The following MAOB variants were observed in gnomAD, a reference collection of about 807,000 sequenced individuals.
The protein encoded by MAOB is monoamine oxidase B.
A neutral mutation model predicts 41.9 loss-of-function variants in MAOB; 15 were observed. The ratio of observed to expected loss-of-function variants is 0.36; its 90% CI spans 0.24 to 0.55. MAOB has a LOEUF of 0.55. Ranked by LOEUF, MAOB falls within the 20% of genes least tolerant of loss-of-function variation. The probability of loss-of-function intolerance (pLI) is 0.86; values close to 1 mark genes in which losing one functional copy is unlikely to be tolerated. For synonymous variants in MAOB, 167 were observed against 144.2 expected (o/e 1.16, Z -1.13); for missense variants, 345 against 398.7 (o/e 0.87, Z 1.15).
At chrX:43,837,961 C>CG in intron 3 of MAOB, 1 of 331,111 alleles carries the variant, frequency 3.0e-6, no homozygotes, top group East Asian at 9.7e-5. Context: ...TGAAGAGAGT[C>CG]TGAGGACCAG....
intron 3 of MAOB, among the ~76,000 whole-genome samples, chrX:43,832,436 T>A (rs759927467): frequency 1.8e-5 from 2 of 111,418 alleles, no homozygotes; most frequent in Admixed American, 9.6e-5. Context: ...CCAAATGGAT[T>A]TTTTTCTGCC....
chrX:43,803,421 A>G lies in MAOB; in HGVS notation c.280-17T>C, dbSNP rs753919396. On this transcript the variant is annotated splice_polypyrimidine_tract_variant and intron_variant, in intron 3 of 14. Transcript: ENST00000378069. The stretch of plus-strand genomic sequence containing the variant: ...TGATTTGCCCTGTGAGATACAAGAT[A>G]TTTTTAAAAGGAAATATTTACTACA... 1 of 1,165,016 alleles carries G rather than the reference A, an allele frequency of 8.6e-7. No homozygotes were observed. Among genetic ancestry groups the G allele is most frequent in the Non-Finnish European group, 1.1e-6 (1 of 880,292 alleles).
At chrX:43,823,161 T>C (rs942115806) in intron 3 of MAOB, among the ~76,000 whole-genome samples, 4 of 101,835 alleles carry the variant, frequency 3.9e-5, no homozygotes, top group African/African-American at 1.5e-4. Context: ...CTAAAACAGA[T>C]GGTCTTTTTT....
At chrX:43,862,202 T>A (rs967979662) in intron 1 of MAOB, among the ~76,000 whole-genome samples, 15 of 111,912 alleles carry the variant, frequency 1.3e-4, no homozygotes, top group Non-Finnish European at 2.4e-4. Context: ...TATGCAATGA[T>A]ATTATGTTCT....
chrX:43,780,446 C>T, intron 9 of MAOB, 51 bp from the exon 10 acceptor site: 2 of 985,470 alleles, frequency 2.0e-6, no homozygotes, highest in Non-Finnish European at 1.4e-6. Flanking sequence ...TGGTTTCATC[C>T]TAGCCTCATT....
chrX:43,829,583 C>T (rs2034991131), intron 3 of MAOB, among the ~76,000 whole-genome samples: 1 of 111,830 alleles, frequency 8.9e-6, no homozygotes, highest in African/African-American at 3.3e-5. Context: ...CAGGACATAG[C>T]ATCTCCCTGT....
At chrX:43,775,348 G>A in intron 11 of MAOB, 76 bp from the exon 12 acceptor site, 2 of 1,138,490 alleles carry the variant, frequency 1.8e-6, no homozygotes, top group Non-Finnish European at 2.3e-6. Flanking sequence ...GAACAGTTTA[G>A]TAGGCTTTGT....
intron 3 of MAOB, 96 bp from the exon 4 acceptor site, chrX:43,803,500 TGA>T (rs2034624000): frequency 3.7e-6 from 4 of 1,074,416 alleles, no homozygotes; most frequent in Non-Finnish European, 4.8e-6. Flanking sequence ...CAAAATTATG[TGA>T]GTTATCAATA....
intron 8 of MAOB, among the ~76,000 whole-genome samples, chrX:43,792,890 G>A (rs954776212): frequency 4.5e-5 from 5 of 111,705 alleles, no homozygotes; most frequent in African/African-American, 1.6e-4. Context: ...CATGTTCATC[G>A]CAGCACTACT....
rs187270876 is a variant in MAOB at position 43,800,945 on chromosome X, C to T, written c.476+1227G>A. Among the ~76,000 whole-genome samples, 20 of 110,762 alleles carry T rather than the reference C, an allele frequency of 1.8e-4. No homozygotes were observed. In the East Asian group the frequency reaches 5.4e-3, roughly 30 times the overall value. On this transcript the variant is annotated intron_variant, in intron 5 of 14. Transcript: ENST00000378069. ...TTTTTTCCAGTCATTAAATATTCCTCTACAACACGATTTTTTAAAACCCTC... is the reference window on the plus strand; with the variant it reads ...TTTTTTCCAGTCATTAAATATTCCTTTACAACACGATTTTTTAAAACCCTC...
intron 2 of MAOB, among the ~76,000 whole-genome samples, chrX:43,839,707 G>C (rs1010136614): frequency 8.9e-6 from 1 of 111,785 alleles, no homozygotes; most frequent in Non-Finnish European, 1.9e-5. Flanking sequence ...TTTTCACAAG[G>C]CATCTTTGTT....
At position 43,767,463 on chromosome X, in the gene MAOB, TC is replaced by T. The variant is rs1392405223; in HGVS notation, c.*2del. On this transcript the variant is annotated 3_prime_UTR_variant, in exon 15 of 15. Coordinates refer to ENST00000378069, the MANE Select transcript of MAOB (RefSeq NM_000898.5). ...AGAGTGTGATTACAGACACCCTCTC[TC>T]TTTAGACTCTCACAAGTAGCCCCCT... 2 of 1,204,478 alleles carry T rather than the reference TC, an allele frequency of 1.7e-6. No homozygotes were observed. The highest frequency in any genetic ancestry group is 2.2e-6 in the Non-Finnish European group (2 of 892,303).
intron 8 of MAOB, among the ~76,000 whole-genome samples, chrX:43,789,024 G>C: frequency 9.0e-6 from 1 of 111,271 alleles, no homozygotes; most frequent in Non-Finnish European, 1.9e-5. Context: ...TGAGATTTGA[G>C]TGTGAGACCC....
At chrX:43,847,221 G>A (rs12010683) in intron 1 of MAOB, among the ~76,000 whole-genome samples, 1,501 of 111,002 alleles carry the variant, frequency 0.014, 35 homozygotes, top group African/African-American at 0.047. Context: ...GCGGGCACCT[G>A]TAATCCCAAC....
At chrX:43,840,657 G>T (rs1177270869) in intron 2 of MAOB, among the ~76,000 whole-genome samples, 1 of 110,757 alleles carries the variant, frequency 9.0e-6, no homozygotes, top group African/African-American at 3.3e-5. Context: ...AAGCAGGGTG[G>T]GGTGTCGCCT....
chrX:43,770,131 A>G (rs1217138078), intron 12 of MAOB, among the ~76,000 whole-genome samples: 1 of 110,881 alleles, frequency 9.0e-6, no homozygotes, highest in Non-Finnish European at 1.9e-5. Context: ...CTCTTTGGAG[A>G]TTGCCTCTGC....
At chrX:43,770,468 A>G (rs1216125638) in intron 12 of MAOB, among the ~76,000 whole-genome samples, 2 of 111,899 alleles carry the variant, frequency 1.8e-5, no homozygotes, top group African/African-American at 6.5e-5. Context: ...AGCAACAAAG[A>G]CAAAGTAATT....
chrX:43,873,730 G>T (rs768391447), intron 1 of MAOB, among the ~76,000 whole-genome samples: 1 of 111,618 alleles, frequency 9.0e-6, no homozygotes, highest in African/African-American at 3.3e-5. Flanking sequence ...AGGCTGGAGT[G>T]CAGTAGTGCC....
intron 9 of MAOB, 65 bp downstream of exon 9, chrX:43,781,383 G>T (rs1290604466): frequency 1.6e-6 from 1 of 636,788 alleles, no homozygotes; most frequent in Non-Finnish European, 2.3e-6. Context: ...GGGCACATTT[G>T]TTAATAGTAT....
Sources: allele counts gnomAD v4.1 joint callset (sites outside exome capture counted in the v4.1 genomes callset), GRCh38; gene constraint gnomAD v4.1.1; transcripts MANE v1.5; gene names NCBI Gene and HGNC (gene_info 2026-07-23, HGNC 2026-07-21).